Variants in DLG2 observed in about 807,000 individuals in gnomAD.
DLG2 encodes disks large homolog 2.
DLG2 carries 45 observed loss-of-function variants against 132.5 expected under a neutral mutation model. The observed-to-expected ratio is 0.34, with a 90% CI of 0.27 to 0.44. DLG2 has a LOEUF of 0.44. DLG2 is among the 20% of genes least tolerant of loss of function. The probability of loss-of-function intolerance (pLI) is 1.00; values close to 1 mark genes in which losing one functional copy is unlikely to be tolerated. For missense variants in DLG2, 1,045 were observed against 1,196.9 expected (o/e 0.87, Z 1.87); for synonymous variants, 424 against 419.6 (o/e 1.01, Z -0.13).
intron 3 of DLG2, among the ~76,000 whole-genome samples, chr11:85,302,497 T>C (rs1374659446): frequency 6.6e-6 from 1 of 152,086 alleles, no homozygotes; most frequent in East Asian, 1.9e-4. Flanking sequence ...AGATAAGCTA[T>C]CCCAGACTGA....
At chr11:85,519,024 T>A (rs549188095) in intron 3 of DLG2, among the ~76,000 whole-genome samples, 2 of 152,064 alleles carry the variant, frequency 1.3e-5, no homozygotes, top group South Asian at 4.1e-4. Flanking sequence ...TGGAAAGACA[T>A]ATGGAAACAC....
At chr11:85,467,969 T>C (rs906868972) in intron 3 of DLG2, among the ~76,000 whole-genome samples, 1 of 152,218 alleles carries the variant, frequency 6.6e-6, no homozygotes, top group East Asian at 1.9e-4. Context: ...AGGCTATTAA[T>C]TATTGCCTCA....
chr11:85,394,159 C>T (rs980547180), intron 3 of DLG2, among the ~76,000 whole-genome samples: 7 of 152,094 alleles, frequency 4.6e-5, no homozygotes, highest in Non-Finnish European at 7.4e-5. Context: ...TTTGTTTAAA[C>T]ATCTAAATAA....
chr11:84,406,766 G>A (rs138734136), intron 7 of DLG2, among the ~76,000 whole-genome samples: 221 of 152,208 alleles, frequency 1.5e-3, no homozygotes, highest in African/African-American at 5.0e-3. Context: ...CATTTATTCC[G>A]TTGTATTGTG....
chr11:84,723,250 A>G (rs1427241372), intron 6 of DLG2, among the ~76,000 whole-genome samples: 3 of 152,200 alleles, frequency 2.0e-5, no homozygotes, highest in Non-Finnish European at 2.9e-5. Flanking sequence ...GAATTACCCA[A>G]GCTAAAGCTG....
rs184614587 is a variant in DLG2 at position 84,810,553 on chromosome 11, C to A, written c.358-275822G>T. On this transcript the variant is annotated intron_variant, in intron 6 of 27. Transcript: ENST00000376104. ...TGGTGGGAATATAAAATGGTACAAC[C>A]ACTCTTGAAAACAGTGTGGAGGTTT... Among the ~76,000 whole-genome samples the A allele has an allele frequency of 2.0e-5, 3 of 152,264 alleles. No individual in the cohort carries two copies. The East Asian group carries it at 5.8e-4, about 29-fold the overall frequency.
intron 2 of DLG2, among the ~76,000 whole-genome samples, chr11:85,615,218 G>A (rs1425979231): frequency 6.6e-6 from 1 of 152,178 alleles, no homozygotes; most frequent in Non-Finnish European, 1.5e-5. Context: ...TAAACAGAAA[G>A]TAAGAAAACA....
chr11:83,977,597 A>G (rs996440307), intron 12 of DLG2, among the ~76,000 whole-genome samples: 1 of 152,058 alleles, frequency 6.6e-6, no homozygotes, highest in African/African-American at 2.4e-5. Flanking sequence ...GGAATGAGAA[A>G]AATACAAGAC....
chr11:85,190,012 A>G (rs1001923047), intron 4 of DLG2, among the ~76,000 whole-genome samples: 1 of 152,200 alleles, frequency 6.6e-6, no homozygotes, highest in African/African-American at 2.4e-5. Flanking sequence ...TAAATAAATA[A>G]AAGTTACTGT....
chr11:85,284,975 C>A (rs1436048384), intron 4 of DLG2, among the ~76,000 whole-genome samples: 2 of 151,816 alleles, frequency 1.3e-5, no homozygotes, highest in Non-Finnish European at 2.9e-5. Context: ...TGAGTCAACT[C>A]AAACTATGAC....
chr11:84,854,815 T>A (rs991300500), intron 6 of DLG2, among the ~76,000 whole-genome samples: 1 of 152,034 alleles, frequency 6.6e-6, no homozygotes, highest in Non-Finnish European at 1.5e-5. Context: ...CTGTACCCCA[T>A]AGTGATTCTT....
Position 84,281,003 on chromosome 11 carries a change from G to C in DLG2, c.520-29712C>G, listed in dbSNP as rs554226406. On this transcript the variant is annotated intron_variant, in intron 7 of 27. Transcript: ENST00000376104. ...CCCAAAGTGCTGGGATTACAGGCGT[G>C]AGCCACCGTGCCCGGCCTAGATAAC... 9.2e-5 allele frequency among the ~76,000 whole-genome samples: 14 copies of C among 151,466 alleles called. No individual in the cohort carries two copies. The East Asian group carries it at 2.7e-3, about 30-fold the overall frequency.
At chr11:85,443,017 G>A (rs564604261) in intron 3 of DLG2, among the ~76,000 whole-genome samples, 3 of 152,184 alleles carry the variant, frequency 2.0e-5, no homozygotes, top group South Asian at 4.2e-4. Flanking sequence ...AATATACAAC[G>A]GGGGGAAATA....
chr11:83,684,527 T>C (rs892075956), intron 18 of DLG2: 4 of 152,112 alleles, frequency 2.6e-5, no homozygotes, highest in Admixed American at 6.6e-5. Flanking sequence ...TACTTAATAG[T>C]AGGTACTATA....
At chr11:83,886,979 G>A (rs900516726) in intron 15 of DLG2, among the ~76,000 whole-genome samples, 1 of 151,884 alleles carries the variant, frequency 6.6e-6, no homozygotes, top group African/African-American at 2.4e-5. Context: ...AGCACTAAAT[G>A]CCCACAAGAG....
At chr11:85,579,657 TAGG>T (rs1420855173) in intron 3 of DLG2, among the ~76,000 whole-genome samples, 2 of 151,798 alleles carry the variant, frequency 1.3e-5, no homozygotes, top group Admixed American at 1.3e-4. Flanking sequence ...CAGGAGAAAA[TAGG>T]AGATGAAAAG....
At chr11:84,878,246 T>C (rs549516119) in intron 6 of DLG2, among the ~76,000 whole-genome samples, 45 of 152,256 alleles carry the variant, frequency 3.0e-4, no homozygotes, top group African/African-American at 9.9e-4. Context: ...CATTCTACTA[T>C]AAAGACATAT....
chr11:84,624,954 T>G (rs1594146304), intron 6 of DLG2, among the ~76,000 whole-genome samples: 1 of 137,034 alleles, frequency 7.3e-6, no homozygotes, highest in African/African-American at 2.9e-5. Flanking sequence ...GCCTCCCGGG[T>G]TCACGCCATT....
intron 7 of DLG2, among the ~76,000 whole-genome samples, chr11:84,427,571 T>C (rs1008965104): frequency 1.3e-5 from 2 of 152,034 alleles, no homozygotes; most frequent in Admixed American, 1.3e-4. Flanking sequence ...AAAAAATATA[T>C]AGGAAAGTCA....
Sources: gnomAD v4.1 joint callset for allele counts (sites outside exome capture counted in the v4.1 genomes callset) on GRCh38, gnomAD v4.1.1 for gene constraint, MANE v1.5 for transcripts, NCBI Gene and HGNC (gene_info 2026-07-23, HGNC 2026-07-21) for gene names.